Variants in HIF3A observed in about 807,000 individuals in gnomAD.
The protein encoded by HIF3A is hypoxia inducible factor 3 subunit alpha, also known as hypoxia-inducible factor 3-alpha.
In HIF3A, 41 loss-of-function variants were observed where a neutral mutation model predicts 67.2. That is an observed-to-expected ratio of 0.61 (90% CI 0.48 to 0.79). The LOEUF is 0.79. Among genes scored for constraint, HIF3A ranks in the 30% least tolerant of loss-of-function variants. The probability of loss-of-function intolerance (pLI) is 0.00; values close to 1 mark genes in which losing one functional copy is unlikely to be tolerated. For missense variants in HIF3A, 855 were observed against 898.0 expected (o/e 0.95, Z 0.61); for synonymous variants, 356 against 374.8 (o/e 0.95, Z 0.58).
chr19:46,303,806 C>T, intron 1 of HIF3A, 92 bp from the exon 2 acceptor site: 1 of 1,515,552 alleles, frequency 6.6e-7, no homozygotes, highest in Non-Finnish European at 9.0e-7. Flanking sequence ...CTCCACGAGC[C>T]CCGGCCCCAC....
At chr19:46,312,040 T>C (rs8101216) in intron 6 of HIF3A, 121 bp from the exon 7 acceptor site, 711,639 of 813,918 alleles carry the variant, frequency 0.87, 312,153 homozygotes, top group Non-Finnish European at 0.9. Context: ...TTCTCTCGGT[T>C]ACAATCCTTC....
intron 8 of HIF3A, among the ~76,000 whole-genome samples, chr19:46,314,566 AT>A (rs1158817998): frequency 1.4e-5 from 2 of 145,792 alleles, no homozygotes; most frequent in Non-Finnish European, 3.0e-5. Context: ...TTATTTATTT[AT>A]TTTTTTTGAG....
chr19:46,304,805 CCTT>C (rs1164540269), intron 2 of HIF3A, among the ~76,000 whole-genome samples: 2 of 151,990 alleles, frequency 1.3e-5, no homozygotes, highest in Non-Finnish European at 2.9e-5. Flanking sequence ...CCTGGGAGTC[CCTT>C]CTTCTCTAGA....
rs2311054 is a variant in HIF3A, at chr19:46,308,727, A to T, written c.513A>T (p.Thr171=). The T allele has an allele frequency of 1.2e-6, 2 of 1,609,606 alleles. No homozygotes were observed. The highest frequency in any genetic ancestry group is 8.5e-7 in the Non-Finnish European group (1 of 1,178,340). The change falls in exon 5 of 15, where the codon ACA becomes ACT. Residue 171 remains threonine, a synonymous_variant. Coordinates refer to ENST00000377670, the MANE Select transcript of HIF3A (RefSeq NM_152795.4). ...ERCFSLRMKS[T]LTSRGRTLNL... is the part of the protein sequence containing the mutation. ...GCTTCTCCTTGCGCATGAAGAGTACACTCACCAGCCGCGGGCGCACCCTCA... is the reference window on the plus strand; with the variant it reads ...GCTTCTCCTTGCGCATGAAGAGTACTCTCACCAGCCGCGGGCGCACCCTCA...
In HIF3A at chr19:46,309,441, C is replaced by G. The variant is rs1439921385; in HGVS notation, c.770+82C>G. The G allele has an allele frequency of 4.9e-5, 39 of 803,912 alleles. 1 individual carries two copies. The highest frequency in any genetic ancestry group is 7.4e-5 in the Non-Finnish European group (38 of 510,848). 49.8% of individuals were successfully genotyped at this position (803,912 alleles called of 1,614,324 possible). A position where few individuals can be genotyped will look rare whatever the true frequency, so the allele number is the denominator to read the frequency against. Reference sequence around the variant, plus strand: ...CCTCCACACTCCCGCATTTCTCTCTCTCCTTCTCTCTCTCTCTCTCACTTC... The same window carrying G: ...CCTCCACACTCCCGCATTTCTCTCTGTCCTTCTCTCTCTCTCTCTCACTTC... On this transcript the variant is annotated intron_variant, in intron 6 of 14. Coordinates refer to ENST00000377670, the MANE Select transcript of HIF3A (RefSeq NM_152795.4).
At chr19:46,331,123 T>C (rs1417435468) in intron 12 of HIF3A, 33 bp from the exon 13 acceptor site, 4 of 1,562,688 alleles carry the variant, frequency 2.6e-6, no homozygotes, top group Non-Finnish European at 3.5e-6. Flanking sequence ...CCAGGTTTGC[T>C]GTGTCCTGAG....
At chr19:46,309,558 G>A (rs1314263756) in intron 6 of HIF3A, among the ~76,000 whole-genome samples, 199 bp downstream of exon 6, 1 of 151,330 alleles carries the variant, frequency 6.6e-6, no homozygotes, top group Non-Finnish European at 1.5e-5. Context: ...TCGCTGCCTT[G>A]CCATTTGCCC....
At chr19:46,318,667 C>T (rs1297470455) in intron 8 of HIF3A, among the ~76,000 whole-genome samples, 1 of 151,078 alleles carries the variant, frequency 6.6e-6, no homozygotes, top group Non-Finnish European at 1.5e-5. Flanking sequence ...GTCACCCAGG[C>T]TGGAGTGCAG....
rs1191365088 is a variant in HIF3A, at chr19:46,340,801, A to G, written c.*1179A>G. 1 of 152,310 alleles carries G rather than the reference A, an allele frequency of 6.6e-6. No homozygotes were observed. Among genetic ancestry groups the G allele is most frequent in the Non-Finnish European group, 1.5e-5 (1 of 68,178 alleles). The allele number at this position is 152,310 out of a possible 1,614,324, so 9.4% of individuals were successfully genotyped here. On this transcript the variant is annotated 3_prime_UTR_variant, in exon 15 of 15. Transcript: ENST00000377670. ...CAGGCGTGAGCCACTGCACCCGGCT[A>G]GAACTCACTTTCTCCAAATCCCTCT...
intron 1 of HIF3A, among the ~76,000 whole-genome samples, chr19:46,301,515 G>A (rs1011969436): frequency 3.3e-5 from 5 of 152,172 alleles, no homozygotes; most frequent in African/African-American, 1.2e-4. Context: ...TTTCCCCACT[G>A]TAAAGTGGAA....
At chr19:46,314,133 T>A (rs1240669034) in intron 8 of HIF3A, among the ~76,000 whole-genome samples, 1 of 151,818 alleles carries the variant, frequency 6.6e-6, no homozygotes, top group Non-Finnish European at 1.5e-5. Flanking sequence ...ATACAAGATT[T>A]TATGAGATCA....
At chr19:46,323,243 G>A (rs1354273779) in intron 10 of HIF3A, among the ~76,000 whole-genome samples, 1 of 151,750 alleles carries the variant, frequency 6.6e-6, no homozygotes, top group African/African-American at 2.4e-5. Context: ...TAGAGACGGG[G>A]TTTCACCATG....
rs1335993398 is a variant in HIF3A, at chr19:46,342,952, A to AC, written c.*3334dup. On this transcript the variant is annotated 3_prime_UTR_variant, in exon 15 of 15. Coordinates refer to ENST00000377670, the MANE Select transcript of HIF3A (RefSeq NM_152795.4). ...CCAGACATGCACTTACCTTGACTTT[A>AC]CCCCACATGTTTGGGGCACCTGGGG... 1.3e-5 allele frequency: 2 copies of AC among 151,600 alleles called. No individual in the cohort carries two copies. The highest frequency in any genetic ancestry group is 2.9e-5 in the Non-Finnish European group (2 of 67,898). The allele number at this position is 151,600 out of a possible 1,614,324, so 9.4% of individuals were successfully genotyped here. A position where few individuals can be genotyped will look rare whatever the true frequency, so the allele number is the denominator to read the frequency against.
At chr19:46,304,335 C>A in intron 2 of HIF3A, 1 of 570,534 alleles carries the variant, frequency 1.8e-6, no homozygotes, top group Non-Finnish European at 3.1e-6. Flanking sequence ...GGCCCCGCCC[C>A]TGGAACGCGC....
Position 46,339,710 on chromosome 19 carries a change from C to A in HIF3A, c.*88C>A. ...CGGCAGCCAACGCACAGGATGGGGG[C>A]GCCAGGAGAGGGGCCCCTCTCTCCT... is the stretch of plus-strand genomic sequence containing the variant. On this transcript the variant is annotated 3_prime_UTR_variant, in exon 15 of 15. Coordinates refer to ENST00000377670, the MANE Select transcript of HIF3A (RefSeq NM_152795.4). 4 of 960,934 alleles carry A rather than the reference C, an allele frequency of 4.2e-6. No homozygotes were observed. The highest frequency in any genetic ancestry group is 2.6e-5 in the Admixed American group (1 of 38,062). 59.5% of individuals were successfully genotyped at this position (960,934 alleles called of 1,614,324 possible).
At chr19:46,314,496 A>G (rs1969760324) in intron 8 of HIF3A, among the ~76,000 whole-genome samples, 2 of 147,466 alleles carry the variant, frequency 1.4e-5, no homozygotes, top group African/African-American at 2.5e-5. Context: ...CACTATCACA[A>G]TCCAGCTATT....
intron 10 of HIF3A, among the ~76,000 whole-genome samples, chr19:46,322,292 G>A (rs181981207): frequency 1.8e-4 from 28 of 152,074 alleles, no homozygotes; most frequent in African/African-American, 5.5e-4. Flanking sequence ...ACCAAGCAGC[G>A]GACACCAGCT....
At chr19:46,336,776 G>A (rs1489397272) in intron 14 of HIF3A, among the ~76,000 whole-genome samples, 3 of 152,056 alleles carry the variant, frequency 2.0e-5, no homozygotes, top group Non-Finnish European at 4.4e-5. Context: ...CACCTGAGGT[G>A]AGGAGTTCAA....
At chr19:46,315,686 G>A (rs1393151841) in intron 8 of HIF3A, among the ~76,000 whole-genome samples, 1 of 152,122 alleles carries the variant, frequency 6.6e-6, no homozygotes, top group Admixed American at 6.5e-5. Context: ...GGCCGAGGAG[G>A]GCAGATCAGT....
Sources: gnomAD v4.1 joint callset for allele counts (sites outside exome capture counted in the v4.1 genomes callset) on GRCh38, gnomAD v4.1.1 for gene constraint, MANE v1.5 for transcripts, NCBI Gene and HGNC (gene_info 2026-07-23, HGNC 2026-07-21) for gene names.